AHRR: variants seen among roughly 807,000 people sequenced by gnomAD.
AHRR encodes ahR repressor.
Under a neutral mutation model 44.0 loss-of-function variants are expected in AHRR, and 28 were observed. The ratio of observed to expected loss-of-function variants is 0.64; its 90% CI spans 0.47 to 0.87. The LOEUF (loss-of-function observed/expected upper bound fraction) is 0.87. Among genes scored for constraint, AHRR ranks in the 40% least tolerant of loss-of-function variants. The probability of loss-of-function intolerance (pLI) is 0.00; values close to 1 mark genes in which losing one functional copy is unlikely to be tolerated. For missense variants in AHRR, 990 were observed against 953.9 expected (o/e 1.04, Z -0.50); for synonymous variants, 434 against 407.0 (o/e 1.07, Z -0.80).
Position 433,932 on chromosome 5 carries a change from A to G in AHRR, c.1192A>G (p.Lys398Glu), listed in dbSNP as rs760573390. Residue 398 changes from lysine (K) to glutamate (E), a missense_variant, in exon 11 of 11, where the codon AAG becomes GAG. Lys to Glu is a moderately conservative substitution (Grantham distance 56). Coordinates refer to ENST00000684583, the MANE Select transcript of AHRR (RefSeq NM_001377236.1). ...GCGGAGGGAGACTCCAGGACCCACA[A>G]AGCCCCTGCCCTGGACAGCGGGAAA... ...TGRRETPGPTKPLPWTAGKHS... is the reference protein window; with the variant it reads ...TGRRETPGPTEPLPWTAGKHS... 1 of 1,536,538 alleles carries G rather than the reference A, an allele frequency of 6.5e-7. No homozygotes were observed. The highest frequency in any genetic ancestry group is 2.0e-5 in the Admixed American group (1 of 49,254).
chr5:428,770 CG>C (rs1483271944), intron 8 of AHRR, among the ~76,000 whole-genome samples: 1 of 152,106 alleles, frequency 6.6e-6, no homozygotes, highest in Non-Finnish European at 1.5e-5. Flanking sequence ...GGCCCCATGG[CG>C]GGGGTGGGGG....
chr5:433,182 T>C (rs1736820863), intron 10 of AHRR, among the ~76,000 whole-genome samples: 1 of 152,160 alleles, frequency 6.6e-6, no homozygotes, highest in African/African-American at 2.4e-5. Context: ...TCCAGGGATG[T>C]TGGGAGCGAG....
Position 337,505 on chromosome 5 carries a change from A to G in AHRR, c.-10-6388A>G, listed in dbSNP as rs1262044327. Among the ~76,000 whole-genome samples the G allele has an allele frequency of 6.6e-6, 1 of 152,176 alleles. No individual in the cohort carries two copies. The highest frequency in any genetic ancestry group is 1.5e-5 in the Non-Finnish European group (1 of 68,036). On this transcript the variant is annotated intron_variant, in intron 1 of 10. Coordinates refer to ENST00000684583, the MANE Select transcript of AHRR (RefSeq NM_001377236.1). This position sits in a 1 kb window ranked among gnomAD's most constrained non-coding sequence, Gnocchi z 4.1. ...GCGATACTCCTGCCTTAGTCTCCTG[A>G]GTAGCTGAGACTACAGACATGCGCC...
chr5:391,289 C>G (rs928805909), intron 4 of AHRR, among the ~76,000 whole-genome samples: 2 of 136,056 alleles, frequency 1.5e-5, no homozygotes, highest in Non-Finnish European at 3.3e-5. Flanking sequence ...GCAGTCATGA[C>G]ACAGCCAGAT....
At chr5:322,772 T>G (rs1467927821) in intron 1 of AHRR, 1 of 151,534 alleles carries the variant, frequency 6.6e-6, no homozygotes, top group Non-Finnish European at 1.5e-5. Flanking sequence ...GGCCCCAGAG[T>G]CGCTGAAAAG....
intron 5 of AHRR, among the ~76,000 whole-genome samples, chr5:415,405 TC>T (rs1735704105): frequency 7.5e-6 from 1 of 133,532 alleles, no homozygotes; most frequent in Non-Finnish European, 1.6e-5. Context: ...GTCTGCCTGG[TC>T]GGGTGGGAGG....
chr5:415,731 C>CCGAATCTCCCTGG (rs1579689950), intron 5 of AHRR, among the ~76,000 whole-genome samples: 2 of 152,096 alleles, frequency 1.3e-5, no homozygotes, highest in Non-Finnish European at 2.9e-5. Flanking sequence ...GGCCTAGGGG[C>CCGAATCTCCCTGG]TGTGCAGAGC....
At chr5:391,055 C>T (rs578178520) in intron 4 of AHRR, among the ~76,000 whole-genome samples, 98 of 124,110 alleles carry the variant, frequency 7.9e-4, no homozygotes, top group African/African-American at 2.7e-3. Context: ...CTCAGACAGA[C>T]GGGAGAGGCC....
At chr5:421,753 T>C (rs1305711202) in intron 5 of AHRR, among the ~76,000 whole-genome samples, 2 of 152,214 alleles carry the variant, frequency 1.3e-5, no homozygotes, top group Admixed American at 6.5e-5. Flanking sequence ...CCTTCTGCTC[T>C]CCTGAGGCTG....
Position 395,054 on chromosome 5 carries a change from G to A in AHRR, c.352-18290G>A, listed in dbSNP as rs1276691266. 2.6e-5 allele frequency among the ~76,000 whole-genome samples: 4 copies of A among 152,212 alleles called. No individual in the cohort carries two copies. The highest frequency in any genetic ancestry group is 4.8e-5 in the African/African-American group (2 of 41,458). ...CATCTTGGGAGGGCAAAGGCAGGAC[G>A]GGAAAGTGATTTCTCCCACCTGTAT... is the stretch of plus-strand genomic sequence containing the variant. On this transcript the variant is annotated intron_variant, in intron 4 of 10. Coordinates refer to ENST00000684583, the MANE Select transcript of AHRR (RefSeq NM_001377236.1). The surrounding 1 kb of genome is among the most constrained non-coding windows in gnomAD (Gnocchi z 5.3).
intron 1 of AHRR, among the ~76,000 whole-genome samples, chr5:328,306 C>T (rs1452985880): frequency 3.4e-5 from 4 of 118,796 alleles, no homozygotes; most frequent in East Asian, 3.1e-4. Flanking sequence ...CTCCCTCTGT[C>T]GCCCAGGCTG....
chr5:348,023 G>C (rs989501624), intron 2 of AHRR, among the ~76,000 whole-genome samples: 14 of 152,244 alleles, frequency 9.2e-5, no homozygotes, highest in Admixed American at 9.2e-4. Flanking sequence ...ATCGGAGGTG[G>C]AGTTGGTCTA....
intron 8 of AHRR, 54 bp from the exon 9 acceptor site, chr5:432,409 C>T (rs1736770527): frequency 6.5e-7 from 1 of 1,544,494 alleles, no homozygotes; most frequent in Non-Finnish European, 9.0e-7. Flanking sequence ...GTTTCATCCA[C>T]ATGTCATCTT....
chr5:399,858 G>A (rs894281287), intron 4 of AHRR, among the ~76,000 whole-genome samples: 1 of 152,218 alleles, frequency 6.6e-6, no homozygotes, highest in African/African-American at 2.4e-5. Flanking sequence ...CTCAAGAACT[G>A]TTTTCAAATG....
chr5:422,970 A>G, intron 6 of AHRR, 112 bp downstream of exon 6: 2 of 1,390,858 alleles, frequency 1.4e-6, no homozygotes, highest in Non-Finnish European at 1.9e-6. Flanking sequence ...TGCCTTACAC[A>G]TTGACCTTAG....
rs938959829 is a variant in AHRR at position 435,973 on chromosome 5, C to A, written c.*1139C>A. ...ATTTCAGGCTTCTTCCACGGTCTGGCCTGGAACCCCACCCGGCTGGTGCAG... is the reference window on the plus strand; with the variant it reads ...ATTTCAGGCTTCTTCCACGGTCTGGACTGGAACCCCACCCGGCTGGTGCAG... On this transcript the variant is annotated 3_prime_UTR_variant, in exon 11 of 11. Transcript: ENST00000684583. The A allele has an allele frequency of 6.5e-6, 1 of 152,768 alleles. No homozygotes were observed. Among genetic ancestry groups the A allele is most frequent in the African/African-American group, 2.4e-5 (1 of 41,446 alleles). The allele number at this position is 152,768 out of a possible 1,614,324, so 9.5% of individuals were successfully genotyped here.
chr5:345,958 C>T (rs6898697), intron 2 of AHRR, among the ~76,000 whole-genome samples: 63,143 of 152,116 alleles, frequency 0.42, 14,965 homozygotes, highest in Non-Finnish European at 0.54. Flanking sequence ...CTGCAGTTTG[C>T]GGCCAAGGCC....
chr5:371,094 C>T (rs183429750), intron 3 of AHRR, among the ~76,000 whole-genome samples: 29 of 152,252 alleles, frequency 1.9e-4, no homozygotes, highest in Non-Finnish European at 4.0e-4. Flanking sequence ...GGTAAATTCC[C>T]GCCTGTGGCC....
At chr5:430,343 C>T (rs1243400411) in intron 8 of AHRR, among the ~76,000 whole-genome samples, 1 of 152,258 alleles carries the variant, frequency 6.6e-6, no homozygotes, top group Non-Finnish European at 1.5e-5. Flanking sequence ...TGTATTCACA[C>T]CCGTGCCCTC....
Sources: gnomAD v4.1 joint callset for allele counts (sites outside exome capture counted in the v4.1 genomes callset) on GRCh38, gnomAD v4.1.1 for gene constraint, Gnocchi (gnomAD v3.1) non-coding constraint, MANE v1.5 for transcripts, NCBI Gene and HGNC (gene_info 2026-07-23, HGNC 2026-07-21) for gene names.